Variants in GAL3ST2 observed in about 807,000 individuals in gnomAD.
GAL3ST2 encodes the protein beta-galactose-3-O-sulfotransferase 2.
A neutral mutation model predicts 12.9 loss-of-function variants in GAL3ST2; 16 were observed. The ratio of observed to expected loss-of-function variants is 1.24; its 90% CI spans 0.84 to 1.88. The LOEUF (loss-of-function observed/expected upper bound fraction) is 1.88, where lower values mean the gene tolerates loss of function less well. Ranked by LOEUF, GAL3ST2 falls within the 40% of genes most tolerant of loss-of-function variation. The pLI is 0.00. For missense variants in GAL3ST2, 639 were observed against 571.8 expected (o/e 1.12, Z -1.20); for synonymous variants, 302 against 273.9 (o/e 1.10, Z -1.01).
Position 241,803,464 on chromosome 2 carries a change from G to A in GAL3ST2, c.495G>A (p.Pro165=). The A allele has an allele frequency of 6.2e-7, 1 of 1,611,606 alleles. No individual in the cohort carries two copies. Among genetic ancestry groups the A allele is most frequent in the Non-Finnish European group, 8.5e-7 (1 of 1,179,356 alleles). Residue 165 remains proline (P), a synonymous_variant, in exon 4 of 4, where the codon CCG becomes CCA. Coordinates refer to ENST00000192314, the MANE Select transcript of GAL3ST2 (RefSeq NM_022134.3). ...KTYAPAFRGA[P]SLDAFLASPR... Reference sequence around the variant, plus strand: ...ACGCCCCCGCCTTCCGGGGCGCCCCGAGCCTGGACGCGTTCCTGGCCTCGC... The same window carrying A: ...ACGCCCCCGCCTTCCGGGGCGCCCCAAGCCTGGACGCGTTCCTGGCCTCGC...
chr2:241,803,518 C>T lies in GAL3ST2; in HGVS notation c.549C>T (p.His183=), dbSNP rs574789401. Residue 183 remains histidine, a synonymous_variant, in exon 4 of 4, where the codon CAC becomes CAT. Coordinates refer to ENST00000192314, the MANE Select transcript of GAL3ST2 (RefSeq NM_022134.3). ...GGACGTTCTACAACGACAGCCGCCA[C>T]CTCAGGAACGTCTACGCCAAGAACA... The part of the protein sequence containing the change: ...SPRTFYNDSR[H]LRNVYAKNNM... 125 of 1,611,290 alleles carry T rather than the reference C, an allele frequency of 7.8e-5. No homozygotes were observed. The East Asian group carries it at 2.5e-3, about 32-fold the overall frequency.
intron 1 of GAL3ST2, among the ~76,000 whole-genome samples, chr2:241,789,112 T>TA (rs1160538784): frequency 6.6e-6 from 1 of 152,160 alleles, no homozygotes; most frequent in Non-Finnish European, 1.5e-5. Flanking sequence ...CCCAAACCAA[T>TA]AGAGTTCTTA....
intron 1 of GAL3ST2, among the ~76,000 whole-genome samples, chr2:241,779,927 G>A (rs1368388962): frequency 2.0e-5 from 3 of 151,428 alleles, no homozygotes; most frequent in East Asian, 2.0e-4. Flanking sequence ...CGGAGGTTGC[G>A]GTGAGCCGAG....
chr2:241,802,512 C>T lies in GAL3ST2; in HGVS notation c.375+476C>T, dbSNP rs570418486. On this transcript the variant is annotated intron_variant, in intron 3 of 3. Coordinates refer to ENST00000192314, the MANE Select transcript of GAL3ST2 (RefSeq NM_022134.3). This position sits in a 1 kb window ranked among gnomAD's most constrained non-coding sequence, Gnocchi z 4.8. Reference sequence around the variant, plus strand: ...ACAGGTGTTTTAGGGTCACCCTGAGCGCTCTGTGGAGAATGGCCAGCAGAG... The same window carrying T: ...ACAGGTGTTTTAGGGTCACCCTGAGTGCTCTGTGGAGAATGGCCAGCAGAG... Among the ~76,000 whole-genome samples the T allele has an allele frequency of 3.3e-5, 5 of 151,890 alleles. No homozygotes were observed. The highest frequency in any genetic ancestry group is 9.7e-5 in the African/African-American group (4 of 41,430).
chr2:241,782,946 T>C (rs140579879), intron 1 of GAL3ST2, among the ~76,000 whole-genome samples: 4,244 of 152,194 alleles, frequency 0.028, 85 homozygotes, highest in Non-Finnish European at 0.04. Flanking sequence ...AAGGCCAGCT[T>C]GGTCAACATG....
chr2:241,803,511 G>A lies in GAL3ST2; in HGVS notation c.542G>A (p.Ser181Asn), dbSNP rs1000152829. ...LASPRTFYND[S>N]RHLRNVYAKN... The stretch of plus-strand genomic sequence containing the variant: ...TCGCCGCGGACGTTCTACAACGACA[G>A]CCGCCACCTCAGGAACGTCTACGCC... The change falls in exon 4 of 4, where the codon AGC becomes AAC. Residue 181 changes from serine to asparagine, a missense_variant. By Grantham distance (46) the Ser-to-Asn change is conservative. Transcript: ENST00000192314. 14 of 1,611,584 alleles carry A rather than the reference G, an allele frequency of 8.7e-6. No homozygotes were observed. The highest frequency in any genetic ancestry group is 1.2e-5 in the Non-Finnish European group (14 of 1,179,316).
chr2:241,803,993 T>C lies in GAL3ST2; in HGVS notation c.1024T>C (p.Tyr342His). The C allele has an allele frequency of 6.4e-7, 1 of 1,561,282 alleles. No individual in the cohort carries two copies. The highest frequency in any genetic ancestry group is 8.6e-7 in the Non-Finnish European group (1 of 1,156,404). ...GATCAGAGACCCGCGCCTGCGCCCCTACCAGTCCGGCAAGGCCGACATCCT... is the reference window on the plus strand; with the variant it reads ...GATCAGAGACCCGCGCCTGCGCCCCCACCAGTCCGGCAAGGCCGACATCCT... The part of the protein sequence containing the change: ...TQIRDPRLRP[Y>H]QSGKADILGY... The change falls in exon 4 of 4, where the codon TAC (tyrosine) becomes CAC (histidine). Residue 342 changes from tyrosine (Y) to histidine (H), a missense_variant. By Grantham distance (83) the Tyr-to-His change is moderately conservative. Transcript: ENST00000192314.
intron 1 of GAL3ST2, among the ~76,000 whole-genome samples, chr2:241,791,881 G>A (rs113849388): frequency 7.2e-5 from 11 of 151,998 alleles, no homozygotes; most frequent in African/African-American, 2.7e-4. Context: ...ATGTTTTCAA[G>A]TTTTATTATT....
At position 241,776,984 on chromosome 2, in the gene GAL3ST2, G is replaced by C. The variant is rs576300819; in HGVS notation, c.29G>C (p.Arg10Thr). 373 of 1,539,840 alleles carry C rather than the reference G, an allele frequency of 2.4e-4. 3 individuals carry two copies. The South Asian group carries it at 4.4e-3, about 18-fold the overall frequency. Reference protein sequence around the residue: MMSMLGGLQRYFRVILLLLL... With the variant: MMSMLGGLQTYFRVILLLLL... ...ATGTCCATGCTGGGCGGCTTGCAGA[G>C]GTAAGGGGGGCAGTTGGACCCCCCA... The change falls in exon 1 of 4, where the codon AGA (arginine) becomes ACA (threonine). Residue 10 changes from arginine to threonine, a missense_variant and splice_region_variant. By Grantham distance (71) the Arg-to-Thr change is moderately conservative. Transcript: ENST00000192314.
rs1699843352 is a variant in GAL3ST2 at position 241,801,482 on chromosome 2, T to C, written c.120-299T>C. 1 of 462,064 alleles carries C rather than the reference T, an allele frequency of 2.2e-6. No homozygotes were observed. Among genetic ancestry groups the C allele is most frequent in the African/African-American group, 2.0e-5 (1 of 49,844 alleles). 28.6% of individuals were successfully genotyped at this position (462,064 alleles called of 1,614,324 possible). On this transcript the variant is annotated intron_variant, in intron 2 of 3. Coordinates refer to ENST00000192314, the MANE Select transcript of GAL3ST2 (RefSeq NM_022134.3). The surrounding 1 kb of genome is among the most constrained non-coding windows in gnomAD (Gnocchi z 4.4). ...TTTTAAGGTGGGTCTGGGGTCCCCT[T>C]GGCCAAGATGGGGTTCATTTAGGGT...
rs371281574 is a variant in GAL3ST2 at position 241,803,411 on chromosome 2, G to C, written c.442G>C (p.Glu148Gln). ...SILRNPVFQLESSFIYYKTYA... is the reference protein window; with the variant it reads ...SILRNPVFQLQSSFIYYKTYA... ...CCTGAGGAACCCCGTGTTCCAGCTG[G>C]AGTCCTCCTTCATCTACTACAAAAC... The change falls in exon 4 of 4, where the codon GAG becomes CAG. Residue 148 changes from glutamate (E) to glutamine (Q), a missense_variant. Transcript: ENST00000192314. 4 of 1,612,818 alleles carry C rather than the reference G, an allele frequency of 2.5e-6. No individual in the cohort carries two copies. Among genetic ancestry groups the C allele is most frequent in the Middle Eastern group, 1.7e-4 (1 of 6,060 alleles).
At position 241,795,647 on chromosome 2, in the gene GAL3ST2, C is replaced by A. The variant is rs77336591; in HGVS notation, c.30-3418C>A. Reference sequence around the variant, plus strand: ...TTCCCACCTCGTGCAGCCACTCTCCCGGGGAGGGTCTTGGGAAGTCCGCAG... The same window carrying A: ...TTCCCACCTCGTGCAGCCACTCTCCAGGGGAGGGTCTTGGGAAGTCCGCAG... On this transcript the variant is annotated intron_variant, in intron 1 of 3. Transcript: ENST00000192314. This position sits in a 1 kb window ranked among gnomAD's most constrained non-coding sequence, Gnocchi z 4.5. 6.6e-6 allele frequency among the ~76,000 whole-genome samples: 1 copy of A among 152,208 alleles called. No individual in the cohort carries two copies. The highest frequency in any genetic ancestry group is 1.5e-5 in the Non-Finnish European group (1 of 68,022).
Position 241,801,619 on chromosome 2 carries a change from T to C in GAL3ST2, c.120-162T>C. On this transcript the variant is annotated intron_variant, in intron 2 of 3. Transcript: ENST00000192314. This position sits in a 1 kb window ranked among gnomAD's most constrained non-coding sequence, Gnocchi z 4.4. Reference sequence around the variant, plus strand: ...GGAGGTTGTGGAGTGGGGCAAGGATTGGGGCCATGGGTCGGTGCCTACCCA... The same window carrying C: ...GGAGGTTGTGGAGTGGGGCAAGGATCGGGGCCATGGGTCGGTGCCTACCCA... 1 of 852,440 alleles carries C rather than the reference T, an allele frequency of 1.2e-6. No homozygotes were observed. The highest frequency in any genetic ancestry group is 1.8e-6 in the Non-Finnish European group (1 of 570,666). 52.8% of individuals were successfully genotyped at this position (852,440 alleles called of 1,614,324 possible). A position where few individuals can be genotyped will look rare whatever the true frequency, so the allele number is the denominator to read the frequency against.
intron 1 of GAL3ST2, among the ~76,000 whole-genome samples, chr2:241,778,915 C>T (rs1413395208): frequency 6.6e-6 from 1 of 152,190 alleles, no homozygotes; most frequent in East Asian, 1.9e-4. Context: ...ATGAGCCTCT[C>T]CAAAGGAGGC....
chr2:241,799,822 C>A (rs1699819939), intron 2 of GAL3ST2, among the ~76,000 whole-genome samples: 1 of 152,116 alleles, frequency 6.6e-6, no homozygotes, highest in Admixed American at 6.5e-5. Flanking sequence ...GCCTGGGTAC[C>A]CTGACCCCAC....
In GAL3ST2 at chr2:241,802,607, G is replaced by A. The variant is rs143628759; in HGVS notation, c.375+571G>A. 0.036 allele frequency among the ~76,000 whole-genome samples: 5,482 copies of A among 151,032 alleles called. 142 individuals carry two copies. Among genetic ancestry groups the A allele is most frequent in the Middle Eastern group, 0.096 (28 of 292 alleles). On this transcript the variant is annotated intron_variant, in intron 3 of 3. Coordinates refer to ENST00000192314, the MANE Select transcript of GAL3ST2 (RefSeq NM_022134.3). The surrounding 1 kb of genome is among the most constrained non-coding windows in gnomAD (Gnocchi z 4.8). ...GTGATGGGCAGAGAGCGGGGCAGCG[G>A]GGGTGTGCTGTGGGGTGGGGGCTGC...
chr2:241,799,192 C>T (rs375161101), intron 2 of GAL3ST2, 38 bp downstream of exon 2: 11 of 1,551,344 alleles, frequency 7.1e-6, no homozygotes, highest in Non-Finnish European at 8.0e-6. Flanking sequence ...GCCCCGGGTA[C>T]CTCCTAACAG....
chr2:241,779,713 C>T (rs1483828219), intron 1 of GAL3ST2, among the ~76,000 whole-genome samples: 9 of 151,690 alleles, frequency 5.9e-5, no homozygotes, highest in South Asian at 2.1e-4. Flanking sequence ...TGGCCGGGCG[C>T]GGTGGCTCAC....
rs1300328408 is a variant in GAL3ST2, at chr2:241,793,521, T to C, written c.30-5544T>C. On this transcript the variant is annotated intron_variant, in intron 1 of 3. Coordinates refer to ENST00000192314, the MANE Select transcript of GAL3ST2 (RefSeq NM_022134.3). This position sits in a 1 kb window ranked among gnomAD's most constrained non-coding sequence, Gnocchi z 4.7. ...GTGTATGTGTGTGTATATGTATGTG[T>C]GTATTGTGTTTATATGTATGTGTGT... Among the ~76,000 whole-genome samples the C allele has an allele frequency of 6.9e-6, 1 of 145,666 alleles. No individual in the cohort carries two copies. The highest frequency in any genetic ancestry group is 1.5e-5 in the Non-Finnish European group (1 of 67,538).
Sources: gnomAD v4.1 joint callset for allele counts (sites outside exome capture counted in the v4.1 genomes callset) on GRCh38, gnomAD v4.1.1 for gene constraint, Gnocchi (gnomAD v3.1) non-coding constraint, MANE v1.5 for transcripts, NCBI Gene and HGNC (gene_info 2026-07-23, HGNC 2026-07-21) for gene names.